The following GLIS3 variants were observed in gnomAD, a reference collection of about 807,000 sequenced individuals.
The protein encoded by GLIS3 is zinc finger protein GLIS3.
A neutral mutation model predicts 78.6 loss-of-function variants in GLIS3; 53 were observed. The observed-to-expected ratio is 0.67, with a 90% confidence interval of 0.54 to 0.85. The LOEUF (loss-of-function observed/expected upper bound fraction) is 0.85. GLIS3 is among the 40% of genes least tolerant of loss of function. GLIS3 has a pLI of 0.00. For synonymous variants in GLIS3, 684 were observed against 509.9 expected (o/e 1.34, Z -4.60); for missense variants, 1,703 against 1,231.1 (o/e 1.38, Z -5.74).
At chr9:4,273,228 T>G (rs544009358) in intron 2 of GLIS3, among the ~76,000 whole-genome samples, 5 of 152,246 alleles carry the variant, frequency 3.3e-5, no homozygotes, top group African/African-American at 1.2e-4. Context: ...TTTATAGAGA[T>G]CTATACTACC....
At chr9:4,404,457 CAT>C in the GLIS3 span, among the ~76,000 whole-genome samples, 2 of 152,106 alleles carry the variant, frequency 1.3e-5, no homozygotes, top group Admixed American at 1.3e-4. Context: ...AAGAATAGAC[CAT>C]ATGTTAGCTC....
Position 3,930,877 on chromosome 9 carries a change from G to A in GLIS3, c.1983+1483C>T, listed in dbSNP as rs188711822. 2.2e-4 allele frequency among the ~76,000 whole-genome samples: 34 copies of A among 151,792 alleles called. No individual in the cohort carries two copies. The East Asian group carries it at 6.0e-3, about 27-fold the overall frequency. ...TCATTTATTACTTCAAATTTATAAG[G>A]TATATATAGATGATAACAAAAATAA... On this transcript the variant is annotated intron_variant, in intron 6 of 10. Coordinates refer to ENST00000381971, the MANE Select transcript of GLIS3 (RefSeq NM_001042413.2).
intron 2 of GLIS3, among the ~76,000 whole-genome samples, chr9:4,212,049 G>T (rs1039593789): frequency 3.9e-5 from 6 of 152,174 alleles, no homozygotes; most frequent in Admixed American, 2.0e-4. Context: ...AATGTGCAGA[G>T]GAATCTTACT....
chr9:3,828,213 A>G lies in GLIS3; in HGVS notation c.*59T>C. 1.2e-6 allele frequency: 2 copies of G among 1,609,008 alleles called. No individual in the cohort carries two copies. Among genetic ancestry groups the G allele is most frequent in the African/African-American group, 2.7e-5 (2 of 74,922 alleles). On this transcript the variant is annotated 3_prime_UTR_variant, in exon 11 of 11. Transcript: ENST00000381971. ...CTCAAGCAGTCTGTGAGAGTACGAA[A>G]ACAAAAGGTGGCAAGCAACATCAAG...
In GLIS3 at chr9:4,064,099, A is replaced by G. The variant is rs373800547; in HGVS notation, c.1710+53669T>C. Among the ~76,000 whole-genome samples, 26 of 152,340 alleles carry G rather than the reference A, an allele frequency of 1.7e-4. No individual in the cohort carries two copies. In the East Asian group the frequency reaches 2.3e-3, roughly 14 times the overall value. On this transcript the variant is annotated intron_variant, in intron 4 of 10. Transcript: ENST00000381971. ...GAATCAAGTAATAGAATAAGGCAACATTAAAATATAGTTTATGCTAAAGGT... is the reference window on the plus strand; with the variant it reads ...GAATCAAGTAATAGAATAAGGCAACGTTAAAATATAGTTTATGCTAAAGGT...
At chr9:4,456,758 T>A in the GLIS3 span, among the ~76,000 whole-genome samples, 1 of 152,148 alleles carries the variant, frequency 6.6e-6, no homozygotes, top group Admixed American at 6.5e-5. Context: ...TTTCAGGGAA[T>A]TGGGAAGCCT....
the GLIS3 span, among the ~76,000 whole-genome samples, chr9:4,477,499 C>G: frequency 5.4e-4 from 82 of 152,202 alleles, no homozygotes; most frequent in Middle Eastern, 6.8e-3. Flanking sequence ...ACTGCAGCCT[C>G]AACCTCCCAG....
At chr9:4,307,197 C>T (rs1387242957) in intron 4 of GLIS3, among the ~76,000 whole-genome samples, 2 of 152,152 alleles carry the variant, frequency 1.3e-5, no homozygotes, top group East Asian at 3.9e-4. Flanking sequence ...GAGGAGGACG[C>T]AGCCTCCCTT....
chr9:3,959,605 G>A (rs758411279), intron 4 of GLIS3, among the ~76,000 whole-genome samples: 6 of 152,130 alleles, frequency 3.9e-5, no homozygotes, highest in Non-Finnish European at 7.3e-5. Context: ...CACAAGCCCT[G>A]CAGCTACTCT....
At chr9:4,430,218 G>A in the GLIS3 span, among the ~76,000 whole-genome samples, 3 of 152,208 alleles carry the variant, frequency 2.0e-5, no homozygotes, top group Non-Finnish European at 2.9e-5. Context: ...ATGCATGCCT[G>A]TCTAATTCTA....
At position 4,086,234 on chromosome 9, in the gene GLIS3, T is replaced by C. The variant is rs1214841045; in HGVS notation, c.1710+31534A>G. On this transcript the variant is annotated intron_variant, in intron 4 of 10. Transcript: ENST00000381971. ...TGTAATTTACTTGTCTCCACCTCAG[T>C]CTAGTGAAATCCTCATCCCCCAAGT... is the stretch of plus-strand genomic sequence containing the variant. Among the ~76,000 whole-genome samples, 6 of 152,312 alleles carry C rather than the reference T, an allele frequency of 3.9e-5. No individual in the cohort carries two copies. In the East Asian group the frequency reaches 5.8e-4, roughly 15 times the overall value.
intron 2 of GLIS3, among the ~76,000 whole-genome samples, chr9:4,190,822 A>G (rs562973524): frequency 1.3e-5 from 2 of 152,388 alleles, no homozygotes; most frequent in African/African-American, 4.8e-5. Flanking sequence ...CCATCTGACT[A>G]ACAGCTGATC....
At chr9:4,157,693 T>A (rs561848408) in intron 2 of GLIS3, among the ~76,000 whole-genome samples, 29 of 152,314 alleles carry the variant, frequency 1.9e-4, no homozygotes, top group African/African-American at 6.7e-4. Context: ...TATTTCCTCC[T>A]TTAGTGCATG....
intron 4 of GLIS3, among the ~76,000 whole-genome samples, chr9:3,962,105 A>C (rs561252795): frequency 6.6e-6 from 1 of 152,256 alleles, no homozygotes; most frequent in East Asian, 1.9e-4. Context: ...CTGTAGTCCT[A>C]GCTACCTGGG....
chr9:4,449,404 C>T, the GLIS3 span, among the ~76,000 whole-genome samples: 2 of 152,212 alleles, frequency 1.3e-5, no homozygotes, highest in South Asian at 4.1e-4. Context: ...CATAGTTGAA[C>T]AAAAGGCAGC....
At chr9:4,163,123 A>T (rs1303891841) in intron 2 of GLIS3, among the ~76,000 whole-genome samples, 1 of 152,200 alleles carries the variant, frequency 6.6e-6, no homozygotes, top group Non-Finnish European at 1.5e-5. Context: ...CTCAAGTTCA[A>T]AGAGATAAAG....
intron 2 of GLIS3, among the ~76,000 whole-genome samples, chr9:4,206,001 G>A (rs945712228): frequency 1.3e-5 from 2 of 152,274 alleles, no homozygotes; most frequent in South Asian, 2.1e-4. Flanking sequence ...GTTCCAAGAT[G>A]CAAGATACCT....
At chr9:4,128,350 T>G (rs956831980) in intron 2 of GLIS3, among the ~76,000 whole-genome samples, 1 of 151,958 alleles carries the variant, frequency 6.6e-6, no homozygotes, top group Non-Finnish European at 1.5e-5. Context: ...CTAAACTCTT[T>G]ACATGCCTGC....
At chr9:4,210,978 A>G (rs1351853334) in intron 2 of GLIS3, among the ~76,000 whole-genome samples, 1 of 152,094 alleles carries the variant, frequency 6.6e-6, no homozygotes, top group Non-Finnish European at 1.5e-5. Context: ...CACTATATTG[A>G]TAAATTTGGA....
Sources: gnomAD v4.1 joint callset for allele counts (sites outside exome capture counted in the v4.1 genomes callset) on GRCh38, gnomAD v4.1.1 for gene constraint, MANE v1.5 for transcripts, NCBI Gene and HGNC (gene_info 2026-07-23, HGNC 2026-07-21) for gene names.